RTN4: variants seen among roughly 807,000 people sequenced by gnomAD.
The protein encoded by RTN4 is reticulon 4.
A neutral mutation model predicts 90.4 loss-of-function variants in RTN4; 32 were observed. That is an observed-to-expected ratio of 0.35 (90% confidence interval 0.27 to 0.48). The LOEUF (loss-of-function observed/expected upper bound fraction) is 0.48, where lower values mean the gene tolerates loss of function less well. Ranked by LOEUF, RTN4 falls within the 20% of genes least tolerant of loss-of-function variation. The pLI, the probability that RTN4 is intolerant of heterozygous loss-of-function variation, is 0.99. For missense variants in RTN4, 1,706 were observed against 1,430.2 expected, an observed-to-expected ratio of 1.19 and a Z score of -3.11; for synonymous variants, 629 against 552.5, an observed-to-expected ratio of 1.14 and a Z score of -1.94.
intron 1 of RTN4, among the ~76,000 whole-genome samples, chr2:55,108,910 C>T (rs1667989806): frequency 6.6e-6 from 1 of 152,068 alleles, no homozygotes; most frequent in Non-Finnish European, 1.5e-5. Context: ...GAGCTCTGTG[C>T]TAAACACATC....
chr2:55,111,096 A>G (rs1668031030), intron 1 of RTN4, among the ~76,000 whole-genome samples: 1 of 152,244 alleles, frequency 6.6e-6, no homozygotes, highest in Non-Finnish European at 1.5e-5. Flanking sequence ...AAGGTCTGAA[A>G]AAAAGAAAAG....
At position 54,973,628 on chromosome 2, in the gene RTN4, G is replaced by C. The variant is rs199813363; in HGVS notation, c.3478-7C>G. 80 of 1,605,220 alleles carry C rather than the reference G, an allele frequency of 5.0e-5. No individual in the cohort carries two copies. Among genetic ancestry groups the C allele is most frequent in the Non-Finnish European group, 6.7e-5 (79 of 1,172,140 alleles). ...GATAATGATCTATCTGTGCCTGAAA[G>C]AGAGGTATAAAGGAATTATTACCGT... On this transcript the variant is annotated splice_region_variant and splice_polypyrimidine_tract_variant and intron_variant, in intron 7 of 8. Transcript: ENST00000337526.
At chr2:55,049,168 C>T in intron 1 of RTN4, 1 of 986,286 alleles carries the variant, frequency 1.0e-6, no homozygotes, top group Non-Finnish European at 1.2e-6. Flanking sequence ...ACGTTTTCCA[C>T]TCGGCCAGCT....
At chr2:55,010,431 A>C (rs1397542951) in intron 3 of RTN4, 1 of 1,029,004 alleles carries the variant, frequency 9.7e-7, no homozygotes, top group East Asian at 4.2e-5. Flanking sequence ...TTGCAGGGAG[A>C]GGGCAGGCTA....
the RTN4 span, among the ~76,000 whole-genome samples, chr2:55,118,234 G>A: frequency 6.6e-6 from 1 of 152,104 alleles, no homozygotes; most frequent in Non-Finnish European, 1.5e-5. Flanking sequence ...GGGAGGTCAA[G>A]GTGAAGGATT....
the RTN4 span, among the ~76,000 whole-genome samples, chr2:55,123,102 T>C: frequency 6.6e-6 from 1 of 152,084 alleles, no homozygotes; most frequent in African/African-American, 2.4e-5. Context: ...AAAGCATCAT[T>C]TTCTAAGGAA....
chr2:54,981,087 C>G (rs1678079268), intron 5 of RTN4, among the ~76,000 whole-genome samples: 2 of 152,124 alleles, frequency 1.3e-5, no homozygotes, highest in Admixed American at 1.3e-4. Context: ...TGCAACCACT[C>G]TATACGAAAG....
chr2:55,001,932 C>A (rs989154562), intron 3 of RTN4, among the ~76,000 whole-genome samples: 1 of 152,074 alleles, frequency 6.6e-6, no homozygotes, highest in African/African-American at 2.4e-5. Context: ...TCTATGTATT[C>A]TAAAACCTTA....
At chr2:54,999,388 TTG>T (rs1361567989) in intron 3 of RTN4, among the ~76,000 whole-genome samples, 1 of 152,132 alleles carries the variant, frequency 6.6e-6, no homozygotes, top group East Asian at 1.9e-4. Context: ...CAATTACATT[TTG>T]CCTCAAATCA....
In RTN4 at chr2:55,026,977, A is replaced by G; in HGVS notation, c.1122T>C (p.Val374=). The change falls in exon 3 of 9, where the codon GTT becomes GTC. Residue 374 remains valine (V), a synonymous_variant. Transcript: ENST00000337526. ...CCTCCCTCATAGGAGCTTCCACTGCAACTCTCTTTTCATTAAAACTGTCTT... is the reference window on the plus strand; with the variant it reads ...CCTCCCTCATAGGAGCTTCCACTGCGACTCTCTTTTCATTAAAACTGTCTT... The part of the protein sequence containing the change: ...KAKDSFNEKR[V]AVEAPMREEY... The G allele has an allele frequency of 6.2e-7, 1 of 1,613,396 alleles. No individual in the cohort carries two copies. The highest frequency in any genetic ancestry group is 8.5e-7 in the Non-Finnish European group (1 of 1,179,892).
rs1227274240 is a variant in RTN4 at position 55,027,039 on chromosome 2, C to A, written c.1060G>T (p.Val354Phe). The A allele has an allele frequency of 2.5e-6, 4 of 1,613,394 alleles. No homozygotes were observed. In the African/African-American group the frequency reaches 5.3e-5, roughly 22 times the overall value. ...GAAGACACAACTTCATCCTCTTTAA[C>A]CAATTTAGTAAGAGCTGTAGGTAAC... ...QELPTALTKL[V>F]KEDEVVSSEK... The change falls in exon 3 of 9, where the codon GTT (valine) becomes TTT (phenylalanine). Residue 354 changes from valine to phenylalanine, a missense_variant. Val to Phe is a conservative substitution (Grantham distance 50). Coordinates refer to ENST00000337526, the MANE Select transcript of RTN4 (RefSeq NM_020532.5).
upstream of RTN4, among the ~76,000 whole-genome samples, chr2:55,113,790 G>GACTT (rs1668078438): frequency 6.6e-6 from 1 of 152,154 alleles, no homozygotes; most frequent in Admixed American, 6.5e-5. Context: ...ATGACTGACT[G>GACTT]ACCAGCCCAG....
chr2:55,038,005 G>A (rs1012812888), intron 1 of RTN4, among the ~76,000 whole-genome samples: 2 of 152,006 alleles, frequency 1.3e-5, no homozygotes, highest in Non-Finnish European at 2.9e-5. Context: ...TTTTCCCAAA[G>A]GCACCAAAGC....
At chr2:54,990,703 T>C (rs1331996730) in intron 3 of RTN4, among the ~76,000 whole-genome samples, 1 of 152,208 alleles carries the variant, frequency 6.6e-6, no homozygotes, top group African/African-American at 2.4e-5. Flanking sequence ...TTAAAGCTTA[T>C]CTAAGTTTTT....
At chr2:55,111,682 GT>G (rs34866921) in intron 1 of RTN4, among the ~76,000 whole-genome samples, 10,607 of 152,234 alleles carry the variant, frequency 0.07, 525 homozygotes, top group African/African-American at 0.14. Context: ...CCACTGGCTA[GT>G]TTGGAGGAAA....
chr2:55,118,681 T>A, the RTN4 span, among the ~76,000 whole-genome samples: 2 of 152,134 alleles, frequency 1.3e-5, no homozygotes, highest in African/African-American at 4.8e-5. Flanking sequence ...AGGAGTTAAG[T>A]CTAGTGGATT....
At chr2:54,983,164 C>G (rs541192967) in intron 4 of RTN4, among the ~76,000 whole-genome samples, 2 of 151,458 alleles carry the variant, frequency 1.3e-5, no homozygotes, top group East Asian at 3.9e-4. Context: ...TCAGACTAAC[C>G]TTTAGGGGAA....
At chr2:55,132,755 A>T in the RTN4 span, among the ~76,000 whole-genome samples, 4 of 148,478 alleles carry the variant, frequency 2.7e-5, no homozygotes, top group Non-Finnish European at 5.9e-5. Flanking sequence ...TGGAGGCTAC[A>T]GTGAACCGAG....
At chr2:55,104,773 A>T (rs1328904952) in intron 1 of RTN4, among the ~76,000 whole-genome samples, 1 of 151,902 alleles carries the variant, frequency 6.6e-6, no homozygotes, top group Non-Finnish European at 1.5e-5. Context: ...TAATAATGAG[A>T]AGTAGTATCT....
Sources: allele counts gnomAD v4.1 joint callset (sites outside exome capture counted in the v4.1 genomes callset), GRCh38; gene constraint gnomAD v4.1.1; transcripts MANE v1.5; gene names NCBI Gene and HGNC (gene_info 2026-07-23, HGNC 2026-07-21).